The following OLFM3 variants were observed in gnomAD, a reference collection of about 807,000 sequenced individuals.
OLFM3 encodes noelin-3.
In OLFM3, 20 loss-of-function variants were observed where a neutral mutation model predicts 48.6. The ratio of observed to expected loss-of-function variants is 0.41; its 90% confidence interval spans 0.29 to 0.60. The LOEUF is 0.60. OLFM3 is among the 20% of genes least tolerant of loss of function. OLFM3 has a pLI of 0.28. For missense variants in OLFM3, 437 were observed against 544.3 expected (o/e 0.80, Z 1.96); for synonymous variants, 222 against 198.1 (o/e 1.12, Z -1.01).
intron 4 of OLFM3, among the ~76,000 whole-genome samples, chr1:101,807,649 A>G (rs973537356): frequency 2.0e-5 from 3 of 151,956 alleles, no homozygotes; most frequent in Non-Finnish European, 2.9e-5. Context: ...TTGCACTACT[A>G]GTTTAGTGAT....
intron 1 of OLFM3, among the ~76,000 whole-genome samples, chr1:101,848,174 G>T (rs998513891): frequency 6.6e-6 from 1 of 151,996 alleles, no homozygotes; most frequent in Non-Finnish European, 1.5e-5. Flanking sequence ...TCCAATATAT[G>T]TGTTTTAAAG....
intron 1 of OLFM3, among the ~76,000 whole-genome samples, chr1:101,865,546 T>C (rs1205086264): frequency 2.6e-5 from 4 of 152,178 alleles, no homozygotes; most frequent in Non-Finnish European, 5.9e-5. Context: ...TGGGAGGATA[T>C]TGGAATAGAA....
Position 101,866,822 on chromosome 1 carries a change from A to C in OLFM3, c.70-29797T>G, listed in dbSNP as rs1182869925. On this transcript the variant is annotated intron_variant, in intron 1 of 5. Transcript: ENST00000370103. ...AAGTATGACTCGGTAATGGAATGTA[A>C]CATCTCTAATTTCAAGTTTTATGTG... 2.0e-5 allele frequency among the ~76,000 whole-genome samples: 3 copies of C among 152,190 alleles called. No homozygotes were observed. The East Asian group carries it at 5.8e-4, about 29-fold the overall frequency.
intron 1 of OLFM3, among the ~76,000 whole-genome samples, chr1:101,957,796 C>G (rs1225671173): frequency 6.6e-6 from 1 of 152,084 alleles, no homozygotes; most frequent in Admixed American, 6.6e-5. Flanking sequence ...CAATTCCAAG[C>G]ATCAGATATC....
intron 1 of OLFM3, among the ~76,000 whole-genome samples, chr1:101,911,589 G>A (rs762880340): frequency 2.6e-5 from 4 of 152,024 alleles, no homozygotes; most frequent in East Asian, 1.9e-4. Context: ...GTTTAACCTC[G>A]CAACAGTCCC....
At chr1:101,808,952 A>G (rs1653916677) in intron 4 of OLFM3, among the ~76,000 whole-genome samples, 1 of 151,756 alleles carries the variant, frequency 6.6e-6, no homozygotes, top group Non-Finnish European at 1.5e-5. Flanking sequence ...TTGTAAAAGG[A>G]AAACACAAAA....
At chr1:101,885,653 G>T (rs1165907596) in intron 1 of OLFM3, among the ~76,000 whole-genome samples, 1 of 151,932 alleles carries the variant, frequency 6.6e-6, no homozygotes, top group African/African-American at 2.4e-5. Flanking sequence ...TTCATCTAAT[G>T]GATAGTAAAT....
intron 1 of OLFM3, chr1:101,859,724 A>T (rs1266396937): frequency 6.6e-6 from 1 of 152,138 alleles, no homozygotes; most frequent in Non-Finnish European, 1.5e-5. Flanking sequence ...GATTAGGAAA[A>T]TTCAACCTAT....
chr1:101,806,250 T>A, intron 4 of OLFM3, 68 bp from the exon 5 acceptor site: 1 of 1,171,688 alleles, frequency 8.5e-7, no homozygotes, highest in Non-Finnish European at 1.3e-6. Flanking sequence ...ATACTCACAC[T>A]AAGAGCAAAG....
At chr1:101,913,605 G>T (rs1402894545) in intron 1 of OLFM3, among the ~76,000 whole-genome samples, 2 of 151,010 alleles carry the variant, frequency 1.3e-5, no homozygotes, top group East Asian at 3.9e-4. Flanking sequence ...TTTAAGTAAA[G>T]AAGATAATGT....
chr1:101,911,880 T>C (rs1658771233), intron 1 of OLFM3, among the ~76,000 whole-genome samples: 1 of 152,246 alleles, frequency 6.6e-6, no homozygotes, highest in African/African-American at 2.4e-5. Context: ...CTTTCTCCCA[T>C]ATCTTGAATC....
At chr1:101,860,372 A>G (rs1018989764) in intron 1 of OLFM3, among the ~76,000 whole-genome samples, 6 of 152,104 alleles carry the variant, frequency 3.9e-5, no homozygotes, top group Non-Finnish European at 8.8e-5. Flanking sequence ...CTCAGCATGA[A>G]TAACAGTCTT....
chr1:101,878,374 G>A (rs980933679), intron 1 of OLFM3, among the ~76,000 whole-genome samples: 10 of 151,932 alleles, frequency 6.6e-5, no homozygotes, highest in African/African-American at 2.4e-4. Flanking sequence ...GGAAGCAGAT[G>A]TAAGCTTACT....
intron 1 of OLFM3, among the ~76,000 whole-genome samples, chr1:101,891,063 A>AT (rs1458715087): frequency 6.6e-6 from 1 of 152,120 alleles, no homozygotes; most frequent in African/African-American, 2.4e-5. Context: ...TTAGTAATAC[A>AT]TTAGTTTTCA....
intron 1 of OLFM3, among the ~76,000 whole-genome samples, chr1:101,965,427 A>G (rs1274096736): frequency 1.3e-5 from 2 of 152,192 alleles, no homozygotes; most frequent in East Asian, 3.8e-4. Context: ...TGGCAGTACA[A>G]CTGCTGGTAA....
intron 1 of OLFM3, among the ~76,000 whole-genome samples, chr1:101,993,900 G>A (rs1011225717): frequency 6.7e-6 from 1 of 149,072 alleles, no homozygotes; most frequent in Non-Finnish European, 1.5e-5. Flanking sequence ...ATAAGATGGC[G>A]ATACTTAAGC....
chr1:101,958,835 T>TTATATATATATATATATATATA (rs10571792), intron 1 of OLFM3, among the ~76,000 whole-genome samples: 1 of 146,392 alleles, frequency 6.8e-6, no homozygotes, highest in Non-Finnish European at 1.5e-5. Context: ...CAAAGTGATA[T>TTATATATATATATATATATATA]TATATATATA....
At chr1:101,876,883 A>T (rs1657323461) in intron 1 of OLFM3, among the ~76,000 whole-genome samples, 1 of 151,940 alleles carries the variant, frequency 6.6e-6, no homozygotes, top group Non-Finnish European at 1.5e-5. Context: ...TGGGATGGAC[A>T]CAAGATTTGC....
At chr1:101,939,775 T>A (rs1659730617) in intron 1 of OLFM3, among the ~76,000 whole-genome samples, 2 of 152,276 alleles carry the variant, frequency 1.3e-5, no homozygotes, top group Middle Eastern at 6.8e-3. Context: ...TGGTGGAAGT[T>A]TTAAACAATT....
Sources: gnomAD v4.1 joint callset for allele counts (sites outside exome capture counted in the v4.1 genomes callset) on GRCh38, gnomAD v4.1.1 for gene constraint, MANE v1.5 for transcripts, NCBI Gene and HGNC (gene_info 2026-07-23, HGNC 2026-07-21) for gene names.